The following EPS15L1 variants were observed in gnomAD, a reference collection of about 807,000 sequenced individuals.
EPS15L1 encodes the protein epidermal growth factor receptor pathway substrate 15 like 1.
In EPS15L1, 43 loss-of-function variants were observed where a neutral mutation model predicts 117.1. That is an observed-to-expected ratio of 0.37 (90% CI 0.29 to 0.47). The LOEUF (loss-of-function observed/expected upper bound fraction) is 0.47, where lower values mean the gene tolerates loss of function less well. Ranked by LOEUF, EPS15L1 falls within the 20% of genes least tolerant of loss-of-function variation. The pLI is 0.99. For missense variants in EPS15L1, 981 were observed against 1,164.0 expected (o/e 0.84, Z 2.29); for synonymous variants, 459 against 470.5 (o/e 0.98, Z 0.32).
rs1392432840 is a variant in EPS15L1 at position 16,421,298 on chromosome 19, C to T, written c.950+21G>A. On this transcript the variant is annotated intron_variant, in intron 10 of 23. Coordinates refer to ENST00000455140, the MANE Select transcript of EPS15L1 (RefSeq NM_001258374.3). ...CCCCTGGAGCCACCCACAGCCACAACTGCCACCTGTCCGGCCTTACCATAT... is the reference window on the plus strand; with the variant it reads ...CCCCTGGAGCCACCCACAGCCACAATTGCCACCTGTCCGGCCTTACCATAT... The T allele has an allele frequency of 6.9e-6, 11 of 1,587,422 alleles. No individual in the cohort carries two copies. The Admixed American group carries it at 1.7e-4, about 24-fold the overall frequency.
intron 22 of EPS15L1, among the ~76,000 whole-genome samples, chr19:16,376,565 G>A (rs990497403): frequency 2.6e-5 from 4 of 152,144 alleles, no homozygotes; most frequent in African/African-American, 4.8e-5. Flanking sequence ...GGGGAGCCCC[G>A]AGCCATCCTG....
At chr19:16,417,230 G>A (rs897290584) in intron 12 of EPS15L1, among the ~76,000 whole-genome samples, 1 of 151,876 alleles carries the variant, frequency 6.6e-6, no homozygotes, top group Non-Finnish European at 1.5e-5. Flanking sequence ...CTCTGCCCAC[G>A]ACCTGCCTGG....
intron 1 of EPS15L1, among the ~76,000 whole-genome samples, chr19:16,465,810 G>C (rs2093299492): frequency 6.6e-6 from 1 of 152,054 alleles, no homozygotes; most frequent in Admixed American, 6.6e-5. Flanking sequence ...AAAAACAAAT[G>C]AGGTTAGGAG....
At chr19:16,399,872 C>G (rs896551998) in intron 16 of EPS15L1, among the ~76,000 whole-genome samples, 1 of 152,068 alleles carries the variant, frequency 6.6e-6, no homozygotes, top group African/African-American at 2.4e-5. Flanking sequence ...CTGGCTCCAG[C>G]ATGCCACTGG....
At chr19:16,458,958 C>T (rs1300153598) in intron 1 of EPS15L1, among the ~76,000 whole-genome samples, 1 of 152,174 alleles carries the variant, frequency 6.6e-6, no homozygotes, top group Non-Finnish European at 1.5e-5. Context: ...CTTACACAAA[C>T]CTAGAAGGCA....
Position 16,404,895 on chromosome 19 carries a change from C to T in EPS15L1, c.1267-146G>A. 3 of 841,632 alleles carry T rather than the reference C, an allele frequency of 3.6e-6. No individual in the cohort carries two copies. In the Admixed American group the frequency reaches 7.3e-5, roughly 20 times the overall value. 52.1% of individuals were successfully genotyped at this position (841,632 alleles called of 1,614,324 possible). On this transcript the variant is annotated intron_variant, in intron 13 of 23. Coordinates refer to ENST00000455140, the MANE Select transcript of EPS15L1 (RefSeq NM_001258374.3). The surrounding 1 kb of genome is among the most constrained non-coding windows in gnomAD (Gnocchi z 4.2). Reference sequence around the variant, plus strand: ...GCTCAGGGCCAGCATTCCGTGCACACCCACGGCCAATGTGTGCCTCTTGGG... The same window carrying T: ...GCTCAGGGCCAGCATTCCGTGCACATCCACGGCCAATGTGTGCCTCTTGGG...
At chr19:16,439,614 C>T (rs2093010004) in intron 4 of EPS15L1, among the ~76,000 whole-genome samples, 1 of 152,118 alleles carries the variant, frequency 6.6e-6, no homozygotes, top group Non-Finnish European at 1.5e-5. Flanking sequence ...TCACTTGAAC[C>T]CAGAAGATCG....
At chr19:16,458,072 C>T (rs568604986) in intron 1 of EPS15L1, among the ~76,000 whole-genome samples, 1 of 152,292 alleles carries the variant, frequency 6.6e-6, no homozygotes, top group African/African-American at 2.4e-5. Flanking sequence ...TAACAGAGCA[C>T]ACTGCCCAGG....
At chr19:16,359,893 A>G (rs1295722968) in intron 23 of EPS15L1, among the ~76,000 whole-genome samples, 1 of 151,446 alleles carries the variant, frequency 6.6e-6, no homozygotes, top group Non-Finnish European at 1.5e-5. Flanking sequence ...CTTAGGGAAA[A>G]AAAAAAAAAA....
chr19:16,392,253 C>T (rs2092484200), intron 19 of EPS15L1, 51 bp downstream of exon 19: 1 of 1,609,504 alleles, frequency 6.2e-7, no homozygotes, highest in East Asian at 2.2e-5. Context: ...GCCACCCTTA[C>T]CACACAGAGC....
chr19:16,447,942 G>A (rs181355517), intron 1 of EPS15L1, among the ~76,000 whole-genome samples: 2 of 152,246 alleles, frequency 1.3e-5, no homozygotes, highest in East Asian at 1.9e-4. Context: ...CTGAGAAACA[G>A]ACACACACAG....
intron 11 of EPS15L1, 36 bp downstream of exon 11, chr19:16,417,912 T>G (rs371903110): frequency 3.8e-6 from 6 of 1,588,572 alleles, no homozygotes; most frequent in Non-Finnish European, 5.1e-6. Flanking sequence ...TGGGAAGGGA[T>G]GTCAATACCC....
chr19:16,442,053 GCTAA>G (rs1158184056), intron 2 of EPS15L1, 72 bp from the exon 3 acceptor site: 1 of 1,479,272 alleles, frequency 6.8e-7, no homozygotes, highest in Non-Finnish European at 9.4e-7. Flanking sequence ...CACCCGCCAC[GCTAA>G]CTATCCGCTG....
intron 1 of EPS15L1, among the ~76,000 whole-genome samples, chr19:16,455,063 A>C (rs1463327453): frequency 6.6e-6 from 1 of 151,984 alleles, no homozygotes; most frequent in African/African-American, 2.4e-5. Context: ...AGGGAGGCAG[A>C]GGCTGCAGTG....
In EPS15L1 at chr19:16,370,224, A is replaced by G. The variant is rs991097445; in HGVS notation, c.2380+6898T>C. Among the ~76,000 whole-genome samples the G allele has an allele frequency of 1.3e-5, 2 of 152,104 alleles. No homozygotes were observed. Among genetic ancestry groups the G allele is most frequent in the African/African-American group, 4.8e-5 (2 of 41,408 alleles). Reference sequence around the variant, plus strand: ...ATTCCCCATTGCCCGAGTGCATGTGATATTTTGCAGTTAGCAGTGGCAGGC... The same window carrying G: ...ATTCCCCATTGCCCGAGTGCATGTGGTATTTTGCAGTTAGCAGTGGCAGGC... On this transcript the variant is annotated intron_variant, in intron 22 of 23. Transcript: ENST00000455140. The surrounding 1 kb of genome is among the most constrained non-coding windows in gnomAD (Gnocchi z 5.2).
At chr19:16,382,892 A>T (rs1385846242) in intron 21 of EPS15L1, 5 of 152,172 alleles carry the variant, frequency 3.3e-5, no homozygotes, top group Admixed American at 6.5e-5. Context: ...AGGTGCTTCA[A>T]TTCAGGGACT....
At chr19:16,393,883 C>T in intron 18 of EPS15L1, 68 bp downstream of exon 18, 2 of 1,487,278 alleles carry the variant, frequency 1.3e-6, no homozygotes, top group South Asian at 1.1e-5. Context: ...ACAAGTCCCA[C>T]CACATGCGAC....
At chr19:16,422,636 A>G (rs536996735) in intron 9 of EPS15L1, among the ~76,000 whole-genome samples, 1 of 152,196 alleles carries the variant, frequency 6.6e-6, no homozygotes, top group Admixed American at 6.5e-5. Flanking sequence ...TGAAACTGCC[A>G]CTCAAAGTCA....
intron 19 of EPS15L1, among the ~76,000 whole-genome samples, chr19:16,390,835 T>G (rs138672096): frequency 4.6e-5 from 7 of 152,168 alleles, no homozygotes; most frequent in African/African-American, 1.7e-4. Context: ...ATATATGAAA[T>G]ACATGTAAAG....
Sources: allele counts gnomAD v4.1 joint callset (sites outside exome capture counted in the v4.1 genomes callset), GRCh38; gene constraint gnomAD v4.1.1; non-coding constraint Gnocchi (gnomAD v3.1); transcripts MANE v1.5; gene names NCBI Gene and HGNC (gene_info 2026-07-23, HGNC 2026-07-21).